The following LTBP1 variants were observed in gnomAD, a reference collection of about 807,000 sequenced individuals.
LTBP1 encodes the protein latent-transforming growth factor beta-binding protein 1.
Under a neutral mutation model 207.6 loss-of-function variants are expected in LTBP1, and 129 were observed. The ratio of observed to expected loss-of-function variants is 0.62; its 90% CI spans 0.54 to 0.72. LTBP1 has a LOEUF of 0.72. Among genes scored for constraint, LTBP1 ranks in the 30% least tolerant of loss-of-function variants. The pLI, the probability that LTBP1 is intolerant of heterozygous loss-of-function variation, is 0.00. For synonymous variants in LTBP1, 963 were observed against 833.7 expected, an observed-to-expected ratio of 1.16 and a Z score of -2.67; for missense variants, 2,281 against 2,217.2, an observed-to-expected ratio of 1.03 and a Z score of -0.58.
At chr2:33,066,852 G>C (rs2077533401) in intron 3 of LTBP1, among the ~76,000 whole-genome samples, 1 of 152,186 alleles carries the variant, frequency 6.6e-6, no homozygotes, top group African/African-American at 2.4e-5. Flanking sequence ...AATCATGCTT[G>C]ATTGCAGCAG....
chr2:32,986,679 T>C (rs1683636495), intron 2 of LTBP1, among the ~76,000 whole-genome samples: 1 of 152,184 alleles, frequency 6.6e-6, no homozygotes, highest in Non-Finnish European at 1.5e-5. Flanking sequence ...GATTGCAGTC[T>C]CATGAAGCTG....
chr2:33,239,777 G>A (rs1158621193), intron 9 of LTBP1, among the ~76,000 whole-genome samples: 1 of 151,510 alleles, frequency 6.6e-6, no homozygotes, highest in Non-Finnish European at 1.5e-5. Context: ...GGTGGCATGT[G>A]CCTGTAATCC....
intron 3 of LTBP1, among the ~76,000 whole-genome samples, chr2:33,046,152 T>G (rs147680339): frequency 0.015 from 2,348 of 152,302 alleles, 64 homozygotes; most frequent in African/African-American, 0.054. Flanking sequence ...AATACTATGT[T>G]GAATAGGAGT....
At chr2:32,977,238 C>T (rs1419044035) in intron 2 of LTBP1, among the ~76,000 whole-genome samples, 2 of 152,226 alleles carry the variant, frequency 1.3e-5, no homozygotes, top group African/African-American at 4.8e-5. Context: ...AGTCTGCCTG[C>T]TGAGTTCAGG....
intron 5 of LTBP1, among the ~76,000 whole-genome samples, chr2:33,178,555 A>G (rs759978374): frequency 6.6e-5 from 10 of 152,152 alleles, no homozygotes; most frequent in Admixed American, 3.9e-4. Context: ...TGTTGTTTGC[A>G]TTGAGGTTGA....
At chr2:32,998,269 G>A (rs1027957454) in intron 2 of LTBP1, among the ~76,000 whole-genome samples, 3 of 152,070 alleles carry the variant, frequency 2.0e-5, no homozygotes, top group African/African-American at 7.2e-5. Flanking sequence ...TGTAATCCCA[G>A]CACTCTGGGA....
rs72869692 is a variant in LTBP1 at position 33,078,762 on chromosome 2, A to G, written c.864-31820A>G. Reference sequence around the variant, plus strand: ...CACTAAGCTGGAGTCTATATTACATAGTCAGCTCAATAAGGTGATTACCTT... The same window carrying G: ...CACTAAGCTGGAGTCTATATTACATGGTCAGCTCAATAAGGTGATTACCTT... On this transcript the variant is annotated intron_variant, in intron 3 of 33. Transcript: ENST00000404816. 4.5e-3 allele frequency among the ~76,000 whole-genome samples: 692 copies of G among 152,204 alleles called. 9 individuals are homozygous for G. Among genetic ancestry groups the G allele is most frequent in the African/African-American group, 0.016 (649 of 41,560 alleles).
chr2:33,234,988 G>A (rs1320852057), intron 9 of LTBP1, among the ~76,000 whole-genome samples: 1 of 152,090 alleles, frequency 6.6e-6, no homozygotes, highest in Non-Finnish European at 1.5e-5. Context: ...ACATAGGCAT[G>A]GGCAAAGACT....
In LTBP1 at chr2:32,976,496, A is replaced by G. The variant is rs72867816; in HGVS notation, c.565+27551A>G. ...TATTTTGGGCTGTGAGCCAGTAGGCACCATTTAAGAATGTTAGCCAGCAGA... is the reference window on the plus strand; with the variant it reads ...TATTTTGGGCTGTGAGCCAGTAGGCGCCATTTAAGAATGTTAGCCAGCAGA... On this transcript the variant is annotated intron_variant, in intron 2 of 33. Transcript: ENST00000404816. 3.9e-3 allele frequency among the ~76,000 whole-genome samples: 592 copies of G among 152,366 alleles called. 4 individuals carry two copies. Among genetic ancestry groups the G allele is most frequent in the African/African-American group, 0.014 (573 of 41,588 alleles).
intron 2 of LTBP1, among the ~76,000 whole-genome samples, chr2:32,990,922 G>A (rs932246611): frequency 3.3e-5 from 5 of 152,112 alleles, no homozygotes; most frequent in African/African-American, 7.2e-5. Flanking sequence ...CAAGCATGTG[G>A]CATTGGCTCT....
chr2:33,293,677 C>T (rs1240981850), intron 20 of LTBP1, among the ~76,000 whole-genome samples: 1 of 152,038 alleles, frequency 6.6e-6, no homozygotes, highest in Non-Finnish European at 1.5e-5. Flanking sequence ...CCAATATACA[C>T]TCATTTTAGA....
At chr2:33,098,583 C>T (rs1010985492) in intron 3 of LTBP1, among the ~76,000 whole-genome samples, 12 of 152,078 alleles carry the variant, frequency 7.9e-5, no homozygotes, top group South Asian at 4.2e-4. Context: ...CAGGCGCATG[C>T]CACCACACCC....
At chr2:33,070,793 C>T (rs1304400991) in intron 3 of LTBP1, among the ~76,000 whole-genome samples, 2 of 152,128 alleles carry the variant, frequency 1.3e-5, no homozygotes, top group Non-Finnish European at 2.9e-5. Context: ...GAGGAGACCC[C>T]AGTAGAGAAG....
chr2:33,269,874 G>GA (rs2093275858), intron 15 of LTBP1, among the ~76,000 whole-genome samples: 1 of 152,020 alleles, frequency 6.6e-6, no homozygotes, highest in South Asian at 2.1e-4. Context: ...ATTAGAAAAG[G>GA]AGAGAAAACA....
At chr2:33,223,547 A>T (rs1283342587) in intron 9 of LTBP1, among the ~76,000 whole-genome samples, 1 of 152,234 alleles carries the variant, frequency 6.6e-6, no homozygotes, top group African/African-American at 2.4e-5. Flanking sequence ...AATTAATTAG[A>T]TGGATGAATG....
chr2:33,187,007 G>C lies in LTBP1; in HGVS notation c.1353G>C (p.Lys451Asn). The C allele has an allele frequency of 6.2e-7, 1 of 1,614,190 alleles. No homozygotes were observed. The highest frequency in any genetic ancestry group is 8.5e-7 in the Non-Finnish European group (1 of 1,180,032). ...KLYQHSQQPG[K>N]ALGTHVIHST... is the part of the protein sequence containing the mutation. ...ATCAGCATTCCCAGCAGCCAGGCAA[G>C]GCGTTGGGGACGCATGTCATCCATT... is the stretch of plus-strand genomic sequence containing the variant. Residue 451 changes from lysine to asparagine, a missense_variant, in exon 6 of 34, where the codon AAG becomes AAC. Physicochemically the swap from Lys to Asn is moderately conservative, Grantham distance 94 (BLOSUM62 0). This residue lies in a region of LTBP1 where 1,671 missense variants were observed against 1,634.8 expected (regional missense o/e 1.02). Coordinates refer to ENST00000404816, the MANE Select transcript of LTBP1 (RefSeq NM_206943.4).
chr2:33,055,941 A>G (rs936357577), intron 3 of LTBP1, among the ~76,000 whole-genome samples: 2 of 152,158 alleles, frequency 1.3e-5, no homozygotes, highest in Non-Finnish European at 2.9e-5. Flanking sequence ...GGGGAGCTAT[A>G]GGGAGGCTAG....
At chr2:33,073,079 T>TAA (rs1441505627) in intron 3 of LTBP1, among the ~76,000 whole-genome samples, 1 of 151,682 alleles carries the variant, frequency 6.6e-6, no homozygotes, top group Non-Finnish European at 1.5e-5. Context: ...TGGTCATTGT[T>TAA]AATCTTAATC....
At chr2:33,339,097 A>G (rs2094586031) in intron 24 of LTBP1, among the ~76,000 whole-genome samples, 1 of 152,086 alleles carries the variant, frequency 6.6e-6, no homozygotes, top group Admixed American at 6.5e-5. Context: ...GAGTATGAGT[A>G]TCAGGAAAGA....
Sources: gnomAD v4.1 joint callset for allele counts (sites outside exome capture counted in the v4.1 genomes callset) on GRCh38, gnomAD v4.1.1 for gene constraint, gnomAD v4.1.1 regional missense constraint, MANE v1.5 for transcripts, NCBI Gene and HGNC (gene_info 2026-07-23, HGNC 2026-07-21) for gene names.